FSIP1: variants seen among roughly 807,000 people sequenced by gnomAD.
FSIP1 encodes fibrous sheath interacting protein 1.
FSIP1 carries 65 observed loss-of-function variants against 60.9 expected under a neutral mutation model. That is an observed-to-expected ratio of 1.07 (90% CI 0.87 to 1.31). The LOEUF is 1.31. FSIP1 is among the 40% of genes most tolerant of loss of function. The pLI is 0.00. For missense variants in FSIP1, 675 were observed against 665.5 expected (o/e 1.01, Z -0.16); for synonymous variants, 209 against 221.2 (o/e 0.94, Z 0.49).
intron 5 of FSIP1, among the ~76,000 whole-genome samples, chr15:39,747,029 C>CTCCTTCCATCCTTCCT (rs1385317209): frequency 7.8e-6 from 1 of 128,766 alleles, no homozygotes; most frequent in African/African-American, 2.7e-5. Flanking sequence ...CCCTCCTTCC[C>CTCCTTCCATCCTTCCT]TCCTTCCCTC....
At chr15:39,738,289 A>G (rs1896686888) in intron 7 of FSIP1, 88 bp from the exon 8 acceptor site, 1 of 756,304 alleles carries the variant, frequency 1.3e-6, no homozygotes. Flanking sequence ...CTTCTACACT[A>G]CAGATACACA....
chr15:39,655,775 A>T (rs1893046840), intron 10 of FSIP1, among the ~76,000 whole-genome samples: 1 of 152,192 alleles, frequency 6.6e-6, no homozygotes, highest in African/African-American at 2.4e-5. Context: ...CTAGAGGAAG[A>T]CTATGATATA....
chr15:39,602,489 A>G (rs1471751623), intron 11 of FSIP1: 1 of 388,594 alleles, frequency 2.6e-6, no homozygotes, highest in Non-Finnish European at 5.1e-6. Flanking sequence ...TTATATCTCA[A>G]TAAAGTTCTT....
chr15:39,697,596 C>G (rs1894872352), intron 10 of FSIP1, among the ~76,000 whole-genome samples: 1 of 152,156 alleles, frequency 6.6e-6, no homozygotes, highest in Admixed American at 6.5e-5. Context: ...CTGTGCTTCC[C>G]AAATTCGTCT....
chr15:39,738,033 T>C (rs992483428), intron 8 of FSIP1, 58 bp downstream of exon 8: 8 of 967,352 alleles, frequency 8.3e-6, no homozygotes, highest in East Asian at 2.5e-5. Flanking sequence ...GGGCCAATAA[T>C]ATTATTTTTT....
intron 11 of FSIP1, among the ~76,000 whole-genome samples, chr15:39,603,735 G>GA (rs796687252): frequency 3.3e-5 from 5 of 151,990 alleles, no homozygotes; most frequent in African/African-American, 9.7e-5. Context: ...AATTTAAGAA[G>GA]AAAAAAGCAG....
In FSIP1 at chr15:39,614,502, G is replaced by A. The variant is rs757253453; in HGVS notation, c.1699+3233C>T. Reference sequence around the variant, plus strand: ...CTACTAAAGATAGAAAAAATTAGCCGGGCGTGGTGGCACGCACCTGTAATT... The same window carrying A: ...CTACTAAAGATAGAAAAAATTAGCCAGGCGTGGTGGCACGCACCTGTAATT... On this transcript the variant is annotated intron_variant, in intron 11 of 11. Transcript: ENST00000350221. Among the ~76,000 whole-genome samples the A allele has an allele frequency of 5.9e-5, 9 of 152,046 alleles. No homozygotes were observed. In the East Asian group the frequency reaches 7.7e-4, roughly 13 times the overall value.
At chr15:39,749,751 A>G (rs1368739374) in intron 5 of FSIP1, among the ~76,000 whole-genome samples, 2 of 152,142 alleles carry the variant, frequency 1.3e-5, no homozygotes, top group East Asian at 3.9e-4. Flanking sequence ...GATCTAGTAC[A>G]AGGTAGGGAT....
intron 5 of FSIP1, among the ~76,000 whole-genome samples, chr15:39,760,423 A>C (rs1248446409): frequency 1.3e-5 from 2 of 152,200 alleles, no homozygotes; most frequent in East Asian, 3.8e-4. Context: ...CCATCTTAAC[A>C]AAGTGATCAA....
At chr15:39,687,136 CCTTTTTTTTTTT>C (rs1183100621) in intron 10 of FSIP1, among the ~76,000 whole-genome samples, 1 of 47,732 alleles carries the variant, frequency 2.1e-5, no homozygotes, top group Non-Finnish European at 3.8e-5. Context: ...CTTTTCTTTT[CCTTTTTTTTTTT>C]TTTTTTTTTT....
At chr15:39,744,183 G>C (rs1052589487) in intron 5 of FSIP1, among the ~76,000 whole-genome samples, 1 of 152,160 alleles carries the variant, frequency 6.6e-6, no homozygotes, top group Non-Finnish European at 1.5e-5. Context: ...GAGAGTATTT[G>C]AGAATCCTTT....
At chr15:39,732,145 C>T (rs986180210) in intron 8 of FSIP1, among the ~76,000 whole-genome samples, 2 of 152,144 alleles carry the variant, frequency 1.3e-5, no homozygotes, top group African/African-American at 4.8e-5. Flanking sequence ...CAACAGGGTT[C>T]GTGCTTCTGT....
At chr15:39,647,564 T>TA (rs932210788) in intron 10 of FSIP1, among the ~76,000 whole-genome samples, 3 of 117,566 alleles carry the variant, frequency 2.6e-5, no homozygotes, top group Admixed American at 7.6e-5. Context: ...AGACTTGTGC[T>TA]ACCCTTTCCA....
intron 10 of FSIP1, among the ~76,000 whole-genome samples, chr15:39,648,612 T>G (rs148007307): frequency 6.6e-6 from 1 of 152,312 alleles, no homozygotes; most frequent in East Asian, 1.9e-4. Context: ...GTTAAACAGA[T>G]TTTTAAAATT....
intron 10 of FSIP1, among the ~76,000 whole-genome samples, chr15:39,620,435 CA>C: frequency 1.3e-5 from 2 of 151,988 alleles, no homozygotes; most frequent in East Asian, 3.9e-4. Flanking sequence ...TTAGGAAAAA[CA>C]CAAAAGATTT....
chr15:39,652,013 G>T (rs943087307), intron 10 of FSIP1, among the ~76,000 whole-genome samples: 12 of 152,184 alleles, frequency 7.9e-5, no homozygotes, highest in Non-Finnish European at 1.6e-4. Flanking sequence ...ACAAATAAAG[G>T]GGTGAATGGA....
intron 10 of FSIP1, among the ~76,000 whole-genome samples, chr15:39,706,489 T>C (rs964012118): frequency 2.6e-5 from 4 of 152,240 alleles, no homozygotes; most frequent in Non-Finnish European, 4.4e-5. Flanking sequence ...TGACTCACTC[T>C]ATTTTTCTAA....
At chr15:39,691,907 G>A (rs1479131562) in intron 10 of FSIP1, among the ~76,000 whole-genome samples, 3 of 152,146 alleles carry the variant, frequency 2.0e-5, no homozygotes, top group African/African-American at 7.2e-5. Context: ...GCGAGTGATA[G>A]ATAGAGAATT....
intron 10 of FSIP1, among the ~76,000 whole-genome samples, chr15:39,711,008 A>C (rs1183671595): frequency 6.6e-6 from 1 of 152,200 alleles, no homozygotes; most frequent in Non-Finnish European, 1.5e-5. Context: ...GGAATGACAT[A>C]CGATTTCTTA....
Sources: allele counts gnomAD v4.1 joint callset (sites outside exome capture counted in the v4.1 genomes callset), GRCh38; gene constraint gnomAD v4.1.1; transcripts MANE v1.5; gene names NCBI Gene and HGNC (gene_info 2026-07-23, HGNC 2026-07-21).